MYO6: variants seen among roughly 807,000 people sequenced by gnomAD.
MYO6 encodes unconventional myosin-VI.
MYO6 carries 74 observed loss-of-function variants against 178.7 expected under a neutral mutation model. That is an observed-to-expected ratio of 0.41 (90% CI 0.34 to 0.50). The LOEUF is 0.50. Among genes scored for constraint, MYO6 ranks in the 20% least tolerant of loss-of-function variants. MYO6 has a pLI of 0.09. For missense variants in MYO6, 1,330 were observed against 1,547.4 expected (o/e 0.86, Z 2.36); for synonymous variants, 477 against 504.6 (o/e 0.95, Z 0.73).
In MYO6 at chr6:75,915,903, A is replaced by G. The variant is rs576197555; in HGVS notation, c.*891A>G. 6.5e-6 allele frequency: 1 copy of G among 152,674 alleles called. No individual in the cohort carries two copies. The highest frequency in any genetic ancestry group is 2.4e-5 in the African/African-American group (1 of 41,560). 9.5% of individuals were successfully genotyped at this position (152,674 alleles called of 1,614,324 possible). On this transcript the variant is annotated 3_prime_UTR_variant, in exon 35 of 35. Transcript: ENST00000369977. Reference sequence around the variant, plus strand: ...GAATCTTGTCCAAGTTGTTTCATTGATTTAGTAAGTGTTCTGCTTCCAACA... The same window carrying G: ...GAATCTTGTCCAAGTTGTTTCATTGGTTTAGTAAGTGTTCTGCTTCCAACA...
intron 9 of MYO6, among the ~76,000 whole-genome samples, chr6:75,843,473 T>A (rs528232908): frequency 6.6e-6 from 1 of 152,264 alleles, no homozygotes; most frequent in African/African-American, 2.4e-5. Context: ...AGAAAAAGAA[T>A]AGATGGCCGG....
intron 1 of MYO6, among the ~76,000 whole-genome samples, chr6:75,765,170 C>CTT (rs71002762): frequency 0.023 from 1,307 of 57,798 alleles, 34 homozygotes; most frequent in Middle Eastern, 0.033. Flanking sequence ...AAAAAAAAAG[C>CTT]TTTTTTTTTT....
At chr6:75,856,632 A>G (rs1373172306) in intron 12 of MYO6, among the ~76,000 whole-genome samples, 1 of 152,066 alleles carries the variant, frequency 6.6e-6, no homozygotes, top group African/African-American at 2.4e-5. Flanking sequence ...TGTACCTGCA[A>G]CATTTAATAC....
intron 1 of MYO6, among the ~76,000 whole-genome samples, chr6:75,801,598 A>T (rs987871869): frequency 6.6e-6 from 1 of 152,106 alleles, no homozygotes; most frequent in South Asian, 2.1e-4. Context: ...TCTTCAAAGC[A>T]TGTTGTGGAG....
rs577120631 is a variant in MYO6, at chr6:75,898,297, A to T, written c.3138-76A>T. The stretch of plus-strand genomic sequence containing the variant: ...AATATTGAAAATATATATTTTAATT[A>T]TACTTTTAGATCTTTTAATTAATTT... On this transcript the variant is annotated intron_variant, in intron 29 of 34. Transcript: ENST00000369977. 5.3e-6 allele frequency: 5 copies of T among 948,088 alleles called. No individual in the cohort carries two copies. In the East Asian group the frequency reaches 1.3e-4, roughly 25 times the overall value. The allele number at this position is 948,088 out of a possible 1,614,324, so 58.7% of individuals were successfully genotyped here. A position where few individuals can be genotyped will look rare whatever the true frequency, so the allele number is the denominator to read the frequency against.
rs116570745 is a variant in MYO6, at chr6:75,758,262, G to A, written c.-48+8839G>A. ...AAACTTTTTCTTTATCTTTTGGTTA[G>A]GGAGGGCTTCAACAAGATTAACGAC... On this transcript the variant is annotated intron_variant, in intron 1 of 34. Coordinates refer to ENST00000369977, the MANE Select transcript of MYO6 (RefSeq NM_004999.4). Among the ~76,000 whole-genome samples the A allele has an allele frequency of 5.8e-3, 878 of 152,172 alleles. 8 individuals carry two copies. Among genetic ancestry groups the A allele is most frequent in the African/African-American group, 0.02 (828 of 41,530 alleles).
chr6:75,875,281 T>C (rs935618522), intron 20 of MYO6, among the ~76,000 whole-genome samples: 3 of 152,156 alleles, frequency 2.0e-5, no homozygotes, highest in African/African-American at 7.2e-5. Flanking sequence ...TAAAAATTTT[T>C]TTTTGGTTGG....
chr6:75,901,215 G>A (rs985161833), intron 30 of MYO6, among the ~76,000 whole-genome samples: 6 of 151,900 alleles, frequency 3.9e-5, no homozygotes, highest in Admixed American at 1.3e-4. Flanking sequence ...TTGGCGATGC[G>A]GGCTCTTTTA....
chr6:75,879,795 G>A, intron 20 of MYO6, 25 bp from the exon 21 acceptor site: 1 of 1,614,076 alleles, frequency 6.2e-7, no homozygotes, highest in Non-Finnish European at 8.5e-7. Flanking sequence ...GATTGACAGT[G>A]CTTTGTGCTT....
At chr6:75,910,033 C>G (rs563750225) in intron 32 of MYO6, among the ~76,000 whole-genome samples, 83 of 152,230 alleles carry the variant, frequency 5.5e-4, no homozygotes, top group Non-Finnish European at 1.0e-3. Context: ...CAGGACTATG[C>G]AAGGGCAGTG....
intron 1 of MYO6, among the ~76,000 whole-genome samples, chr6:75,802,849 T>C (rs1439648326): frequency 6.6e-6 from 1 of 152,128 alleles, no homozygotes. Context: ...TATCATTGGA[T>C]AATAAACAAG....
At position 75,879,816 on chromosome 6, in the gene MYO6, C is replaced by T. The variant is rs1562278337; in HGVS notation, c.2078-4C>T. 4 of 1,614,108 alleles carry T rather than the reference C, an allele frequency of 2.5e-6. No individual in the cohort carries two copies. The Admixed American group carries it at 6.7e-5, about 27-fold the overall frequency. On this transcript the variant is annotated splice_region_variant and splice_polypyrimidine_tract_variant and intron_variant, in intron 20 of 34. Transcript: ENST00000369977. ...CAGTGCTTTGTGCTTGTTCGTGAAT[C>T]TAGGGATGGTGTCTGTTTTGGACTT...
chr6:75,848,406 T>C lies in MYO6; in HGVS notation c.953T>C (p.Ile318Thr), dbSNP rs766768003. The change falls in exon 11 of 35, where the codon ATT (isoleucine) becomes ACT (threonine). Residue 318 changes from isoleucine to threonine, a missense_variant. This residue lies in a region of MYO6 where 613 missense variants were observed against 816.8 expected (regional missense o/e 0.75). Transcript: ENST00000369977. ...CTGCTAGATGACCATGGTGATTTTATTAGAATGTGCACGGCTATGAAAAAA... is the reference window on the plus strand; with the variant it reads ...CTGCTAGATGACCATGGTGATTTTACTAGAATGTGCACGGCTATGAAAAAA... ...DPLLDDHGDF[I>T]RMCTAMKKIG... 4 of 1,613,722 alleles carry C rather than the reference T, an allele frequency of 2.5e-6. No homozygotes were observed. Among genetic ancestry groups the C allele is most frequent in the Admixed American group, 1.7e-5 (1 of 59,966 alleles).
chr6:75,770,328 C>G (rs1450288258), intron 1 of MYO6, among the ~76,000 whole-genome samples: 1 of 152,192 alleles, frequency 6.6e-6, no homozygotes. Flanking sequence ...CAGACCAACA[C>G]AGAGAGATTG....
At chr6:75,857,058 A>AGCATAGTGAATT in intron 12 of MYO6, 39 bp from the exon 13 acceptor site, 6 of 1,604,414 alleles carry the variant, frequency 3.7e-6, no homozygotes, top group Non-Finnish European at 5.1e-6. Context: ...ACAGTGCACT[A>AGCATAGTGAATT]TTATAAAGAA....
At chr6:75,823,337 A>T (rs893087153) in intron 3 of MYO6, among the ~76,000 whole-genome samples, 1 of 152,250 alleles carries the variant, frequency 6.6e-6, no homozygotes, top group Non-Finnish European at 1.5e-5. Context: ...AATTTGACTT[A>T]TAACATCTTT....
At chr6:75,914,378 A>C in intron 34 of MYO6, 97 bp downstream of exon 34, 1 of 1,264,032 alleles carries the variant, frequency 7.9e-7, no homozygotes, top group Admixed American at 1.9e-5. Context: ...AATTTATTAC[A>C]TTTCAGGGTT....
chr6:75,784,509 C>G (rs1403673085), intron 1 of MYO6, among the ~76,000 whole-genome samples: 1 of 151,622 alleles, frequency 6.6e-6, no homozygotes, highest in African/African-American at 2.4e-5. Context: ...CGCGGTGGCT[C>G]ATGCCTGTAA....
Position 75,911,756 on chromosome 6 carries a change from A to G in MYO6, c.3439+58A>G, listed in dbSNP as rs1430753541. ...TGGAAGATGGGTTAAAATACTTTAC[A>G]AAGTACTAACTTCTATTAAAAGTTG... On this transcript the variant is annotated intron_variant, in intron 33 of 34. Transcript: ENST00000369977. The G allele has an allele frequency of 4.0e-6, 6 of 1,505,416 alleles. No homozygotes were observed. The African/African-American group carries it at 4.1e-5, about 10-fold the overall frequency. 93.3% of individuals were successfully genotyped at this position (1,505,416 alleles called of 1,614,324 possible).
Sources: allele counts gnomAD v4.1 joint callset (sites outside exome capture counted in the v4.1 genomes callset), GRCh38; gene constraint gnomAD v4.1.1; regional missense constraint gnomAD v4.1.1; transcripts MANE v1.5; gene names NCBI Gene and HGNC (gene_info 2026-07-23, HGNC 2026-07-21).